Variants in SPINK1 observed in about 807,000 individuals in gnomAD.
The protein encoded by SPINK1 is serine protease inhibitor Kazal-type 1.
In SPINK1, 5 loss-of-function variants were observed where a neutral mutation model predicts 9.5. The observed-to-expected ratio is 0.52, with a 90% confidence interval of 0.27 to 1.10. SPINK1 has a LOEUF of 1.10. Ranked by LOEUF, SPINK1 falls within the 50% of genes least tolerant of loss-of-function variation. The pLI is 0.11. For synonymous variants in SPINK1, 37 were observed against 32.3 expected, an observed-to-expected ratio of 1.14 and a Z score of -0.49; for missense variants, 88 against 92.7, an observed-to-expected ratio of 0.95 and a Z score of 0.21.
upstream of SPINK1, among the ~76,000 whole-genome samples, chr5:147,835,423 C>T (rs1561607885): frequency 6.6e-6 from 1 of 151,990 alleles, no homozygotes; most frequent in Non-Finnish European, 1.5e-5. Flanking sequence ...ATTGTTTGCC[C>T]CGGGAGATGA....
the SPINK1 span, among the ~76,000 whole-genome samples, chr5:147,837,891 G>C: frequency 6.6e-6 from 1 of 151,788 alleles, no homozygotes; most frequent in Admixed American, 6.6e-5. Flanking sequence ...TAGTGGAGAG[G>C]GGGTTTCACC....
upstream of SPINK1, among the ~76,000 whole-genome samples, chr5:147,834,561 T>C (rs1207993381): frequency 1.3e-5 from 2 of 152,136 alleles, no homozygotes; most frequent in Non-Finnish European, 2.9e-5. Flanking sequence ...ATTATTTAAA[T>C]AGTAGTTTTG....
At chr5:147,832,401 G>A (rs763582686), upstream of SPINK1, among the ~76,000 whole-genome samples, 1 of 152,152 alleles carries the variant, frequency 6.6e-6, no homozygotes, top group East Asian at 1.9e-4. Context: ...ATGAGTAGAG[G>A]TACTGATAAC....
intron 1 of SPINK1, 28 bp from the exon 2 acceptor site, chr5:147,829,658 G>A: frequency 6.2e-7 from 1 of 1,607,928 alleles, no homozygotes; most frequent in Non-Finnish European, 8.5e-7. Flanking sequence ...ATGGTAAGTT[G>A]GGTCCTAAAT....
chr5:147,834,635 T>C (rs888575295), upstream of SPINK1, among the ~76,000 whole-genome samples: 2 of 152,122 alleles, frequency 1.3e-5, no homozygotes, highest in African/African-American at 4.8e-5. Flanking sequence ...AAAGGATTTT[T>C]TTCTTGGGTC....
upstream of SPINK1, among the ~76,000 whole-genome samples, chr5:147,834,951 G>T (rs890296150): frequency 6.6e-6 from 1 of 151,988 alleles, no homozygotes; most frequent in Non-Finnish European, 1.5e-5. Flanking sequence ...ATCCCAGTTT[G>T]CCAATCCTAA....
the SPINK1 span, among the ~76,000 whole-genome samples, chr5:147,838,390 G>A: frequency 6.6e-6 from 1 of 152,126 alleles, no homozygotes; most frequent in Non-Finnish European, 1.5e-5. Context: ...TAGCAAGAGG[G>A]AGAGTGTATG....
At position 147,828,084 on chromosome 5, in the gene SPINK1, G is replaced by T; in HGVS notation, c.132C>A (p.Asp44Glu). ...NELNGCTKIY[D>E]PVCGTDGNTY... ...TATTTCCATCAGTCCCACAGACAGG[G>T]TCATATATCTTGGTGCATCCATTAA... Residue 44 changes from aspartate to glutamate, a missense_variant, in exon 3 of 4, where the codon GAC (aspartate) becomes GAA (glutamate). Transcript: ENST00000296695. The T allele has an allele frequency of 3.1e-6, 5 of 1,613,458 alleles. No homozygotes were observed. Among genetic ancestry groups the T allele is most frequent in the Admixed American group, 1.7e-5 (1 of 59,992 alleles).
intron 1 of SPINK1, among the ~76,000 whole-genome samples, chr5:147,830,724 A>G (rs1333427651): frequency 6.6e-6 from 1 of 152,212 alleles, no homozygotes; most frequent in Admixed American, 6.5e-5. Context: ...TCTTCTTAGC[A>G]AAGTGCTGAT....
upstream of SPINK1, chr5:147,831,832 G>T: frequency 7.4e-7 from 1 of 1,357,256 alleles, no homozygotes; most frequent in African/African-American, 1.5e-5. Context: ...ATTCTGTCAG[G>T]AAAATAGTTC....
the SPINK1 span, among the ~76,000 whole-genome samples, chr5:147,838,746 C>T: frequency 6.6e-6 from 1 of 152,132 alleles, no homozygotes; most frequent in Non-Finnish European, 1.5e-5. Flanking sequence ...TTGTTCTTTG[C>T]TTTTCCATGG....
chr5:147,833,594 T>G (rs1756546082), upstream of SPINK1, among the ~76,000 whole-genome samples: 1 of 152,182 alleles, frequency 6.6e-6, no homozygotes, highest in Non-Finnish European at 1.5e-5. Flanking sequence ...ATGTTCAAAA[T>G]AACCTCAATC....
In SPINK1 at chr5:147,831,579, G is replaced by A; in HGVS notation, c.-2C>T. 6.2e-7 allele frequency: 1 copy of A among 1,613,514 alleles called. No individual in the cohort carries two copies. Among genetic ancestry groups the A allele is most frequent in the Non-Finnish European group, 8.5e-7 (1 of 1,179,804 alleles). On this transcript the variant is annotated 5_prime_UTR_variant, in exon 1 of 4. Transcript: ENST00000296695. ...AAGAAAGATGCCTGTTACCTTCATGGCTGAAGTTCTGCGTCCAGAGGTCAG... is the reference window on the plus strand; with the variant it reads ...AAGAAAGATGCCTGTTACCTTCATGACTGAAGTTCTGCGTCCAGAGGTCAG...
chr5:147,829,560 T>G, intron 2 of SPINK1, 39 bp downstream of exon 2: 1 of 1,598,080 alleles, frequency 6.3e-7, no homozygotes, highest in Non-Finnish European at 8.6e-7. Context: ...ATCAAACTGT[T>G]CCAGTCTGAG....
At chr5:147,834,818 T>C (rs546965505), upstream of SPINK1, among the ~76,000 whole-genome samples, 1 of 152,232 alleles carries the variant, frequency 6.6e-6, no homozygotes, top group East Asian at 1.9e-4. Flanking sequence ...AAAGTAAAAA[T>C]TTTGAGTTAT....
chr5:147,831,377 T>C (rs1756504953), intron 1 of SPINK1, 146 bp downstream of exon 1: 2 of 1,029,026 alleles, frequency 1.9e-6, no homozygotes, highest in East Asian at 5.4e-5. Context: ...AAAAAATAAT[T>C]CTTACCTGTT....
chr5:147,835,379 A>G (rs1270469650), upstream of SPINK1, among the ~76,000 whole-genome samples: 3 of 152,258 alleles, frequency 2.0e-5, no homozygotes, highest in Admixed American at 6.5e-5. Flanking sequence ...AAATATACTG[A>G]GGCCTCATAC....
chr5:147,829,046 A>G (rs1756462171), intron 2 of SPINK1, among the ~76,000 whole-genome samples: 2 of 152,202 alleles, frequency 1.3e-5, no homozygotes, highest in African/African-American at 4.8e-5. Context: ...CTTTTGGTCT[A>G]TCAGCTGTCT....
intron 1 of SPINK1, 27 bp from the exon 2 acceptor site, chr5:147,829,657 T>G (rs1756475054): frequency 1.2e-6 from 2 of 1,608,706 alleles, no homozygotes; most frequent in Non-Finnish European, 1.7e-6. Flanking sequence ...TATGGTAAGT[T>G]GGGTCCTAAA....
Sources: gnomAD v4.1 joint callset for allele counts (sites outside exome capture counted in the v4.1 genomes callset) on GRCh38, gnomAD v4.1.1 for gene constraint, MANE v1.5 for transcripts, NCBI Gene and HGNC (gene_info 2026-07-23, HGNC 2026-07-21) for gene names.